ARFGEF1: variants seen among roughly 807,000 people sequenced by gnomAD.
The protein encoded by ARFGEF1 is brefeldin A-inhibited guanine nucleotide-exchange protein 1.
In ARFGEF1, 42 loss-of-function variants were observed where a neutral mutation model predicts 231.0. That is an observed-to-expected ratio of 0.18 (90% CI 0.14 to 0.24). The LOEUF is 0.24. Among genes scored for constraint, ARFGEF1 ranks in the 10% least tolerant of loss-of-function variants. ARFGEF1 has a pLI of 1.00. For missense variants in ARFGEF1, 1,345 were observed against 2,192.0 expected (o/e 0.61, Z 7.72); for synonymous variants, 710 against 732.3 (o/e 0.97, Z 0.49).
chr8:67,276,987 G>C (rs1805339735), intron 8 of ARFGEF1, among the ~76,000 whole-genome samples: 2 of 152,106 alleles, frequency 1.3e-5, no homozygotes, highest in South Asian at 4.1e-4. Flanking sequence ...TTGTGAATAT[G>C]TAATAAGAAT....
intron 1 of ARFGEF1, among the ~76,000 whole-genome samples, chr8:67,326,328 C>T (rs1807830780): frequency 6.6e-6 from 1 of 152,162 alleles, no homozygotes; most frequent in African/African-American, 2.4e-5. Flanking sequence ...AACTTGGTAT[C>T]CATCTCTAGA....
chr8:67,283,500 TGCAG>T (rs2128904557), intron 7 of ARFGEF1, among the ~76,000 whole-genome samples: 1 of 152,246 alleles, frequency 6.6e-6, no homozygotes, highest in African/African-American at 2.4e-5. Context: ...GTAATATATA[TGCAG>T]GCATGTGTGA....
chr8:67,247,121 A>T (rs988745594), intron 19 of ARFGEF1, among the ~76,000 whole-genome samples: 8 of 150,598 alleles, frequency 5.3e-5, no homozygotes, highest in Admixed American at 1.3e-4. Flanking sequence ...TCAGCAAAAG[A>T]AAGCGTGAAA....
chr8:67,295,195 C>T (rs1437704789), intron 5 of ARFGEF1, among the ~76,000 whole-genome samples: 1 of 151,984 alleles, frequency 6.6e-6, no homozygotes, highest in Non-Finnish European at 1.5e-5. Flanking sequence ...GGAAACGCCA[C>T]AATAATTAAC....
In ARFGEF1 at chr8:67,299,270, G is replaced by A. The variant is rs1386041962; in HGVS notation, c.398C>T (p.Thr133Ile). 1.2e-6 allele frequency: 2 copies of A among 1,605,028 alleles called. No homozygotes were observed. The highest frequency in any genetic ancestry group is 8.5e-7 in the Non-Finnish European group (1 of 1,174,660). Residue 133 changes from threonine to isoleucine, a missense_variant, in exon 4 of 39, where the codon ACA (threonine) becomes ATA (isoleucine). By Grantham distance (89) the Thr-to-Ile change is moderately conservative. Coordinates refer to ENST00000262215, the MANE Select transcript of ARFGEF1 (RefSeq NM_006421.5). Reference sequence around the variant, plus strand: ...AGGGCCCTGAAAGCAGCCACATATTGTTTCAATAATTCTATCAATTAATTT... The same window carrying A: ...AGGGCCCTGAAAGCAGCCACATATTATTTCAATAATTCTATCAATTAATTT... Reference protein sequence around the residue: ...GKKLIDRIIETICGCFQGPQT... With the variant: ...GKKLIDRIIEIICGCFQGPQT...
chr8:67,272,009 T>C, intron 9 of ARFGEF1, 73 bp from the exon 10 acceptor site: 1 of 828,412 alleles, frequency 1.2e-6, no homozygotes, highest in Non-Finnish European at 1.9e-6. Flanking sequence ...GTTCCAAAAA[T>C]ATTTCCAGAT....
At chr8:67,280,345 A>G (rs1002782833) in intron 7 of ARFGEF1, among the ~76,000 whole-genome samples, 1 of 152,230 alleles carries the variant, frequency 6.6e-6, no homozygotes. Flanking sequence ...ATTAAAGTAG[A>G]TTATTTGTTT....
intron 34 of ARFGEF1, among the ~76,000 whole-genome samples, chr8:67,206,614 T>C (rs1162484343): frequency 1.3e-5 from 2 of 152,204 alleles, no homozygotes; most frequent in African/African-American, 2.4e-5. Flanking sequence ...GCTCCCCTTG[T>C]CTGACCATGC....
chr8:67,319,060 G>T (rs1807457466), intron 1 of ARFGEF1, among the ~76,000 whole-genome samples: 1 of 152,050 alleles, frequency 6.6e-6, no homozygotes, highest in Non-Finnish European at 1.5e-5. Flanking sequence ...AATATATACT[G>T]AAAGAAATGC....
intron 9 of ARFGEF1, among the ~76,000 whole-genome samples, chr8:67,275,005 A>C (rs761249659): frequency 6.6e-5 from 10 of 152,116 alleles, no homozygotes; most frequent in Non-Finnish European, 1.2e-4. Flanking sequence ...GTACAATCTG[A>C]CAAAATTAAA....
intron 1 of ARFGEF1, among the ~76,000 whole-genome samples, chr8:67,306,132 G>C (rs1806733023): frequency 6.6e-6 from 1 of 152,174 alleles, no homozygotes; most frequent in South Asian, 2.1e-4. Context: ...TATCTGAATT[G>C]CCAGCATCAC....
Position 67,201,459 on chromosome 8 carries a change from A to T in ARFGEF1, c.5267+8T>A. The T allele has an allele frequency of 6.2e-7, 1 of 1,600,410 alleles. No homozygotes were observed. Among genetic ancestry groups the T allele is most frequent in the Non-Finnish European group, 8.5e-7 (1 of 1,175,856 alleles). ...TGGTCAGAGATGGAAATCAGTCAAA[A>T]GTCTTACTTCAAAAGCCTCTGCTGG... On this transcript the variant is annotated splice_region_variant and intron_variant, in intron 37 of 38. Transcript: ENST00000262215.
In ARFGEF1 at chr8:67,301,215, T is replaced by G. The variant is rs1222798963; in HGVS notation, c.312+9A>C. The G allele has an allele frequency of 6.3e-7, 1 of 1,588,930 alleles. No individual in the cohort carries two copies. The highest frequency in any genetic ancestry group is 2.3e-5 in the East Asian group (1 of 44,168). ...ACACAGTTTTTAGAAAGTGCCATTT[T>G]AGACATACCTGTAAGCAATCTAGAG... On this transcript the variant is annotated intron_variant, in intron 3 of 38. Coordinates refer to ENST00000262215, the MANE Select transcript of ARFGEF1 (RefSeq NM_006421.5).
At chr8:67,259,713 A>G in intron 15 of ARFGEF1, 102 bp downstream of exon 15, 2 of 755,308 alleles carry the variant, frequency 2.6e-6, no homozygotes, top group East Asian at 5.8e-5. Context: ...CCAGGAGTTC[A>G]AAACTAGCCT....
At chr8:67,315,819 G>C (rs1807286564) in intron 1 of ARFGEF1, among the ~76,000 whole-genome samples, 1 of 151,986 alleles carries the variant, frequency 6.6e-6, no homozygotes, top group African/African-American at 2.4e-5. Flanking sequence ...ATGGGATACA[G>C]CTAAAATTGT....
At chr8:67,195,512 G>A (rs760074883), downstream of ARFGEF1, 3 of 1,614,206 alleles carry the variant, frequency 1.9e-6, no homozygotes, top group Non-Finnish European at 2.5e-6. Flanking sequence ...TCATGGCAGA[G>A]CAGCTGAACC....
intron 1 of ARFGEF1, among the ~76,000 whole-genome samples, chr8:67,323,124 A>G (rs1210294838): frequency 6.6e-6 from 1 of 151,820 alleles, no homozygotes; most frequent in African/African-American, 2.4e-5. Flanking sequence ...TGGTGGCAGA[A>G]GCCTGTAATC....
At chr8:67,325,965 G>A (rs994285700) in intron 1 of ARFGEF1, among the ~76,000 whole-genome samples, 4 of 152,194 alleles carry the variant, frequency 2.6e-5, no homozygotes, top group African/African-American at 7.2e-5. Context: ...ATTACAGGCC[G>A]AGGCGGGCAG....
chr8:67,208,384 A>T (rs985020141), intron 34 of ARFGEF1, among the ~76,000 whole-genome samples: 5 of 152,176 alleles, frequency 3.3e-5, no homozygotes, highest in African/African-American at 1.2e-4. Flanking sequence ...TAATCCCAGC[A>T]CTTTGGGAGG....
Sources: gnomAD v4.1 joint callset for allele counts (sites outside exome capture counted in the v4.1 genomes callset) on GRCh38, gnomAD v4.1.1 for gene constraint, MANE v1.5 for transcripts, NCBI Gene and HGNC (gene_info 2026-07-23, HGNC 2026-07-21) for gene names.